The following IGSF3 variants were observed in gnomAD, a reference collection of about 807,000 sequenced individuals.
IGSF3 encodes the protein immunoglobulin superfamily member 3, also known as glu-Trp-Ile EWI motif-containing protein 3.
In IGSF3, 23 loss-of-function variants were observed where a neutral mutation model predicts 114.4. The ratio of observed to expected loss-of-function variants is 0.20; its 90% CI spans 0.14 to 0.28. The LOEUF is 0.28. IGSF3 is among the 10% of genes least tolerant of loss of function. IGSF3 has a pLI of 1.00. For missense variants in IGSF3, 1,172 were observed against 1,591.5 expected (o/e 0.74, Z 4.48); for synonymous variants, 571 against 645.2 (o/e 0.88, Z 1.74).
In IGSF3 at chr1:116,603,778, C is replaced by G. The variant is rs144353931; in HGVS notation, c.1470G>C (p.Gln490His). ...AGATGCCCAGGCTGAACGAGTTGGG[C>G]TGCACCTGCTCCATCTGGACGCCCC... ...SFGGVQMEQV[Q>H]PNSFSLGIFN... Residue 490 changes from glutamine (Q) to histidine (H), a missense_variant, in exon 6 of 11, where the codon CAG (glutamine) becomes CAC (histidine). This residue lies in a region of IGSF3 where 736 missense variants were observed against 1,042.0 expected (regional missense o/e 0.71). Coordinates refer to ENST00000369486, the MANE Select transcript of IGSF3 (RefSeq NM_001007237.3). The surrounding 1 kb of genome is among the most constrained non-coding windows in gnomAD (Gnocchi z 7.1). The G allele has an allele frequency of 4.3e-4, 686 of 1,614,044 alleles. 3 individuals carry two copies. In the African/African-American group the frequency reaches 8.3e-3, roughly 20 times the overall value.
At position 116,624,690 on chromosome 1, in the gene IGSF3, CTG is replaced by C. The variant is rs1225266143; in HGVS notation, c.44-8235_44-8234del. On this transcript the variant is annotated intron_variant, in intron 2 of 10. Coordinates refer to ENST00000369486, the MANE Select transcript of IGSF3 (RefSeq NM_001007237.3). This position sits in a 1 kb window ranked among gnomAD's most constrained non-coding sequence, Gnocchi z 4.9. ...GTGGAGTTTAGAATAATTCCCTTCT[CTG>C]TGTATCTGGGCAGGAAGTCACTGTG... Among the ~76,000 whole-genome samples the C allele has an allele frequency of 1.3e-5, 2 of 152,340 alleles. No individual in the cohort carries two copies. Among genetic ancestry groups the C allele is most frequent in the African/African-American group, 4.8e-5 (2 of 41,580 alleles).
intron 8 of IGSF3, among the ~76,000 whole-genome samples, chr1:116,586,707 A>G (rs1659860490): frequency 6.6e-6 from 1 of 152,190 alleles, no homozygotes; most frequent in Admixed American, 6.5e-5. Context: ...TCTTGGTTTC[A>G]GTACAAATGA....
rs530671316 is a variant in IGSF3, at chr1:116,615,603, G to C, written c.421+477C>G. 8.6e-3 allele frequency among the ~76,000 whole-genome samples: 1,313 copies of C among 152,200 alleles called. 21 individuals are homozygous for C. The highest frequency in any genetic ancestry group is 0.03 in the African/African-American group (1,253 of 41,518). On this transcript the variant is annotated intron_variant, in intron 3 of 10. Coordinates refer to ENST00000369486, the MANE Select transcript of IGSF3 (RefSeq NM_001007237.3). This position sits in a 1 kb window ranked among gnomAD's most constrained non-coding sequence, Gnocchi z 4.3. ...AGACAGCCAGTTCATAGTTCCTTAC[G>C]CATGGAGCCAAAGGACCTTCAATGT...
At position 116,600,377 on chromosome 1, in the gene IGSF3, G is replaced by A. The variant is rs1214143420; in HGVS notation, c.1625-32C>T. 2 of 1,577,074 alleles carry A rather than the reference G, an allele frequency of 1.3e-6. No homozygotes were observed. Among genetic ancestry groups the A allele is most frequent in the Non-Finnish European group, 8.6e-7 (1 of 1,157,014 alleles). On this transcript the variant is annotated intron_variant, in intron 6 of 10. Coordinates refer to ENST00000369486, the MANE Select transcript of IGSF3 (RefSeq NM_001007237.3). The surrounding 1 kb of genome is among the most constrained non-coding windows in gnomAD (Gnocchi z 5.5). ...AGAAAGCAGAGAGATTCAACCAGAG[G>A]AGGCATGTGGCTTTCTCAGGGCAGT...
In IGSF3 at chr1:116,612,258, A is replaced by C. The variant is rs1455958288; in HGVS notation, c.832+1507T>G. On this transcript the variant is annotated intron_variant, in intron 4 of 10. Transcript: ENST00000369486. The surrounding 1 kb of genome is among the most constrained non-coding windows in gnomAD (Gnocchi z 4.1). ...TAAAGCCCCTTGGATAGATTTTTTA[A>C]TATTGAAAGATCCAGAAGCTGCTAA... Among the ~76,000 whole-genome samples the C allele has an allele frequency of 6.6e-6, 1 of 152,218 alleles. No homozygotes were observed. Among genetic ancestry groups the C allele is most frequent in the Non-Finnish European group, 1.5e-5 (1 of 68,036 alleles).
Position 116,614,418 on chromosome 1 carries a change from T to C in IGSF3, c.422-243A>G, listed in dbSNP as rs1370834985. Among the ~76,000 whole-genome samples, 1 of 152,236 alleles carries C rather than the reference T, an allele frequency of 6.6e-6. No homozygotes were observed. Among genetic ancestry groups the C allele is most frequent in the Non-Finnish European group, 1.5e-5 (1 of 68,026 alleles). On this transcript the variant is annotated intron_variant, in intron 3 of 10. Transcript: ENST00000369486. This position sits in a 1 kb window ranked among gnomAD's most constrained non-coding sequence, Gnocchi z 4.5. ...GTCTGGTATTTTAATAACACTTGGATAAAACATGGGGTGTATTTCATATTA... is the reference window on the plus strand; with the variant it reads ...GTCTGGTATTTTAATAACACTTGGACAAAACATGGGGTGTATTTCATATTA...
At chr1:116,656,228 T>A (rs1648839343) in intron 2 of IGSF3, among the ~76,000 whole-genome samples, 2 of 150,286 alleles carry the variant, frequency 1.3e-5, no homozygotes. Flanking sequence ...CTATAAAGAA[T>A]CTATATCAAA....
At position 116,610,439 on chromosome 1, in the gene IGSF3, G is replaced by T. The variant is rs1364511953; in HGVS notation, c.833-2108C>A. ...CACAAGATTTACCCACATCACCCCC[G>T]TTTCTGCCCTTGGTTATGCCCAGTC... is the stretch of plus-strand genomic sequence containing the variant. On this transcript the variant is annotated intron_variant, in intron 4 of 10. Coordinates refer to ENST00000369486, the MANE Select transcript of IGSF3 (RefSeq NM_001007237.3). This position sits in a 1 kb window ranked among gnomAD's most constrained non-coding sequence, Gnocchi z 4.3. Among the ~76,000 whole-genome samples the T allele has an allele frequency of 6.6e-6, 1 of 152,058 alleles. No homozygotes were observed. The highest frequency in any genetic ancestry group is 6.5e-5 in the Admixed American group (1 of 15,268).
At position 116,579,377 on chromosome 1, in the gene IGSF3, A is replaced by C. The variant is rs1183800232; in HGVS notation, c.3334+15T>G. The C allele has an allele frequency of 1.9e-5, 29 of 1,539,482 alleles. No individual in the cohort carries two copies. The highest frequency in any genetic ancestry group is 2.5e-5 in the Non-Finnish European group (29 of 1,142,918). On this transcript the variant is annotated intron_variant, in intron 10 of 10. Transcript: ENST00000369486. The surrounding 1 kb of genome is among the most constrained non-coding windows in gnomAD (Gnocchi z 6.4). ...ACCAACAGTGACATCCTCCCTCTGT[A>C]CTTGGGAAACTCACTTGTATCTAGA...
At chr1:116,587,221 T>C (rs541230488) in intron 8 of IGSF3, among the ~76,000 whole-genome samples, 3 of 152,186 alleles carry the variant, frequency 2.0e-5, no homozygotes, top group East Asian at 3.9e-4. Context: ...TGTGTGTGTA[T>C]ATATATATGT....
chr1:116,633,378 T>A lies in IGSF3; in HGVS notation c.44-16921A>T, dbSNP rs1378606350. Among the ~76,000 whole-genome samples the A allele has an allele frequency of 6.6e-6, 1 of 152,226 alleles. No homozygotes were observed. The highest frequency in any genetic ancestry group is 1.5e-5 in the Non-Finnish European group (1 of 68,038). ...GAAGAAGAGACCTTACATAATCTTTTAACTTTTTCTCTAAGGCTGATTCCC... is the reference window on the plus strand; with the variant it reads ...GAAGAAGAGACCTTACATAATCTTTAAACTTTTTCTCTAAGGCTGATTCCC... On this transcript the variant is annotated intron_variant, in intron 2 of 10. Transcript: ENST00000369486. The surrounding 1 kb of genome is among the most constrained non-coding windows in gnomAD (Gnocchi z 4.3).
rs1374618727 is a variant in IGSF3, at chr1:116,629,875, T to C, written c.44-13418A>G. Among the ~76,000 whole-genome samples the C allele has an allele frequency of 6.6e-6, 1 of 152,254 alleles. No individual in the cohort carries two copies. The highest frequency in any genetic ancestry group is 1.5e-5 in the Non-Finnish European group (1 of 68,042). Reference sequence around the variant, plus strand: ...CAAGCCTTCTAACGCATCTCTTCTCTTGCTTCTTCCAATTGGATGCCTTCA... The same window carrying C: ...CAAGCCTTCTAACGCATCTCTTCTCCTGCTTCTTCCAATTGGATGCCTTCA... On this transcript the variant is annotated intron_variant, in intron 2 of 10. Transcript: ENST00000369486. This position sits in a 1 kb window ranked among gnomAD's most constrained non-coding sequence, Gnocchi z 4.3.
chr1:116,651,086 T>A lies in IGSF3; in HGVS notation c.43+15198A>T, dbSNP rs188185906. 5.6e-3 allele frequency among the ~76,000 whole-genome samples: 845 copies of A among 152,184 alleles called. 17 individuals carry two copies. The highest frequency in any genetic ancestry group is 0.019 in the African/African-American group (802 of 41,512). On this transcript the variant is annotated intron_variant, in intron 2 of 10. Coordinates refer to ENST00000369486, the MANE Select transcript of IGSF3 (RefSeq NM_001007237.3). The surrounding 1 kb of genome is among the most constrained non-coding windows in gnomAD (Gnocchi z 4.4). Reference sequence around the variant, plus strand: ...GAAGTTCCAGGCACAAAAAGGAAGCTCACAATAAGGAACGCCCATGCCTAG... The same window carrying A: ...GAAGTTCCAGGCACAAAAAGGAAGCACACAATAAGGAACGCCCATGCCTAG...
chr1:116,654,932 C>A lies in IGSF3; in HGVS notation c.43+11352G>T, dbSNP rs907716284. On this transcript the variant is annotated intron_variant, in intron 2 of 10. Coordinates refer to ENST00000369486, the MANE Select transcript of IGSF3 (RefSeq NM_001007237.3). This position sits in a 1 kb window ranked among gnomAD's most constrained non-coding sequence, Gnocchi z 4.4. ...ATTCATCATCTTACTCCTACAGATA[C>A]CCCCTCTTCCTGGTGGCACCGGGCA... 6.6e-6 allele frequency among the ~76,000 whole-genome samples: 1 copy of A among 152,144 alleles called. No individual in the cohort carries two copies. Among genetic ancestry groups the A allele is most frequent in the Non-Finnish European group, 1.5e-5 (1 of 68,040 alleles).
chr1:116,640,406 C>T (rs1399799893), intron 2 of IGSF3, among the ~76,000 whole-genome samples: 3 of 152,184 alleles, frequency 2.0e-5, no homozygotes, highest in Non-Finnish European at 4.4e-5. Context: ...TTCCACCCAT[C>T]CCAGAAATGA....
chr1:116,641,149 T>C (rs1170134911), intron 2 of IGSF3, among the ~76,000 whole-genome samples: 1 of 151,432 alleles, frequency 6.6e-6, no homozygotes, highest in Non-Finnish European at 1.5e-5. Flanking sequence ...TGTATGGGGG[T>C]TAATTATCCT....
rs1327469349 is a variant in IGSF3 at position 116,662,821 on chromosome 1, C to A, written c.43+3463G>T. On this transcript the variant is annotated intron_variant, in intron 2 of 10. Transcript: ENST00000369486. This position sits in a 1 kb window ranked among gnomAD's most constrained non-coding sequence, Gnocchi z 4.3. The stretch of plus-strand genomic sequence containing the variant: ...CTCCTGATTGCTCCAAACCATCTCA[C>A]TTTTCTCTGCCTCCTCTTTCTCCTC... Among the ~76,000 whole-genome samples, 1 of 152,218 alleles carries A rather than the reference C, an allele frequency of 6.6e-6. No homozygotes were observed. Among genetic ancestry groups the A allele is most frequent in the Non-Finnish European group, 1.5e-5 (1 of 68,050 alleles).
intron 8 of IGSF3, among the ~76,000 whole-genome samples, chr1:116,586,009 C>T (rs574977270): frequency 3.9e-5 from 6 of 152,298 alleles, no homozygotes; most frequent in East Asian, 3.9e-4. Flanking sequence ...CAGCATGCCC[C>T]GATGGCATGC....
Position 116,577,649 on chromosome 1 carries a change from G to A in IGSF3, c.3335-87C>T, listed in dbSNP as rs775986470. 2 of 1,338,634 alleles carry A rather than the reference G, an allele frequency of 1.5e-6. No homozygotes were observed. The highest frequency in any genetic ancestry group is 2.1e-6 in the Non-Finnish European group (2 of 959,720). 82.9% of individuals were successfully genotyped at this position (1,338,634 alleles called of 1,614,324 possible). A position where few individuals can be genotyped will look rare whatever the true frequency, so the allele number is the denominator to read the frequency against. On this transcript the variant is annotated intron_variant, in intron 10 of 10. Coordinates refer to ENST00000369486, the MANE Select transcript of IGSF3 (RefSeq NM_001007237.3). The surrounding 1 kb of genome is among the most constrained non-coding windows in gnomAD (Gnocchi z 5.7). ...CCTTTTGAAGACCTCACCTGACCCA[G>A]TGGAAGCTCCTCGGTGACACTCCCA...
Sources: allele counts gnomAD v4.1 joint callset (sites outside exome capture counted in the v4.1 genomes callset), GRCh38; gene constraint gnomAD v4.1.1; regional missense constraint gnomAD v4.1.1; non-coding constraint Gnocchi (gnomAD v3.1); transcripts MANE v1.5; gene names NCBI Gene and HGNC (gene_info 2026-07-23, HGNC 2026-07-21).